RALGAPA1: variants seen among roughly 807,000 people sequenced by gnomAD.
The protein encoded by RALGAPA1 is ral GTPase-activating protein subunit alpha-1.
RALGAPA1 carries 52 observed loss-of-function variants against 269.6 expected under a neutral mutation model. The observed-to-expected ratio is 0.19, with a 90% confidence interval of 0.15 to 0.24. RALGAPA1 has a LOEUF of 0.24. Ranked by LOEUF, RALGAPA1 falls within the 10% of genes least tolerant of loss-of-function variation. The pLI, the probability that RALGAPA1 is intolerant of heterozygous loss-of-function variation, is 1.00. For synonymous variants in RALGAPA1, 817 were observed against 1,008.3 expected (o/e 0.81, Z 3.60); for missense variants, 1,917 against 3,013.9 (o/e 0.64, Z 8.52).
At chr14:35,742,295 C>T in intron 11 of RALGAPA1, 73 bp downstream of exon 11, 1 of 1,055,682 alleles carries the variant, frequency 9.5e-7, no homozygotes, top group East Asian at 2.6e-5. Context: ...TTTGTGTTAA[C>T]CCATTATTAT....
In RALGAPA1 at chr14:35,719,917, A is replaced by AT. The variant is rs373630930; in HGVS notation, c.2266+1770dup. ...AGGCACATGCCACCATGCCTGGCTA[A>AT]TTTTTTTTGTATTTTTACTACAGAC... is the stretch of plus-strand genomic sequence containing the variant. On this transcript the variant is annotated intron_variant, in intron 16 of 41. Coordinates refer to ENST00000680220, the MANE Select transcript of RALGAPA1 (RefSeq NM_001346249.2). Among the ~76,000 whole-genome samples, 794 of 151,776 alleles carry AT rather than the reference A, an allele frequency of 5.2e-3. 7 individuals are homozygous for AT. Among genetic ancestry groups the AT allele is most frequent in the African/African-American group, 0.018 (749 of 41,408 alleles).
At chr14:35,738,747 G>A (rs2071275057) in intron 11 of RALGAPA1, 97 bp from the exon 12 acceptor site, 1 of 881,140 alleles carries the variant, frequency 1.1e-6, no homozygotes, top group Non-Finnish European at 1.7e-6. Context: ...AGGTCCCACT[G>A]CTAAACAGGT....
At position 35,546,454 on chromosome 14, in the gene RALGAPA1, GTAA is replaced by G. The variant is rs10622401; in HGVS notation, c.*23+2051_*23+2053del. On this transcript the variant is annotated intron_variant, in intron 41 of 41. Transcript: ENST00000680220. ...GCACATGTACCCTAAAATTTAAAGT[GTAA>G]TAATAATAATAATAATAAATATTAT... is the stretch of plus-strand genomic sequence containing the variant. 3.0e-3 allele frequency among the ~76,000 whole-genome samples: 444 copies of G among 149,924 alleles called. 2 individuals are homozygous for G. Among genetic ancestry groups the G allele is most frequent in the African/African-American group, 9.9e-3 (406 of 41,032 alleles).
chr14:35,595,079 T>A lies in RALGAPA1; in HGVS notation c.7209+555A>T, dbSNP rs141656626. Among the ~76,000 whole-genome samples, 330 of 150,872 alleles carry A rather than the reference T, an allele frequency of 2.2e-3. 2 individuals are homozygous for A. Among genetic ancestry groups the A allele is most frequent in the Non-Finnish European group, 3.9e-3 (264 of 67,658 alleles). ...AATATTGCATGGTATCACTTATATG[T>A]GGAATCTAAAAAAAAAAAACAAAGG... On this transcript the variant is annotated intron_variant, in intron 37 of 41. Coordinates refer to ENST00000680220, the MANE Select transcript of RALGAPA1 (RefSeq NM_001346249.2).
At chr14:35,725,872 G>A (rs1278140565) in intron 13 of RALGAPA1, among the ~76,000 whole-genome samples, 1 of 152,074 alleles carries the variant, frequency 6.6e-6, no homozygotes, top group Non-Finnish European at 1.5e-5. Context: ...TCATTATGCA[G>A]TTTTTTAATC....
intron 35 of RALGAPA1, among the ~76,000 whole-genome samples, chr14:35,615,016 T>C (rs1566828135): frequency 6.6e-6 from 1 of 151,174 alleles, no homozygotes; most frequent in Non-Finnish European, 1.5e-5. Flanking sequence ...CTTTCACTAC[T>C]CCTTCTTATT....
At chr14:35,545,791 T>A (rs548683609) in intron 41 of RALGAPA1, among the ~76,000 whole-genome samples, 52 of 152,166 alleles carry the variant, frequency 3.4e-4, no homozygotes, top group African/African-American at 1.2e-3. Flanking sequence ...TAAAAAAAGA[T>A]AATATTGAAA....
At chr14:35,682,945 T>G (rs1389999329) in intron 21 of RALGAPA1, among the ~76,000 whole-genome samples, 1 of 152,188 alleles carries the variant, frequency 6.6e-6, no homozygotes, top group Non-Finnish European at 1.5e-5. Flanking sequence ...AGAATTCCCC[T>G]GGCTCAAATT....
Position 35,748,696 on chromosome 14 carries a change from T to C in RALGAPA1, c.1140A>G (p.Ser380=), listed in dbSNP as rs748930081. 9.9e-5 allele frequency: 160 copies of C among 1,613,292 alleles called. No individual in the cohort carries two copies. The highest frequency in any genetic ancestry group is 2.5e-6 in the Non-Finnish European group (3 of 1,179,620). Residue 380 remains serine (S), a synonymous_variant, in exon 10 of 42, where the codon TCA becomes TCG. Coordinates refer to ENST00000680220, the MANE Select transcript of RALGAPA1 (RefSeq NM_001346249.2). ...CTTCATCAATACTACAGAGACTAGA[T>C]GAGCTAGGTTCTCGCTCCGTGAGAG... The part of the protein sequence containing the change: ...TSTLTEREPS[S]SSLCSIDEEH...
At chr14:35,791,401 C>T (rs763670181) in intron 1 of RALGAPA1, among the ~76,000 whole-genome samples, 13 of 152,050 alleles carry the variant, frequency 8.5e-5, no homozygotes, top group Non-Finnish European at 1.6e-4. Flanking sequence ...TTCAGAAGTT[C>T]GAGACCAGCC....
At chr14:35,579,453 A>AC (rs2057803663) in intron 37 of RALGAPA1, among the ~76,000 whole-genome samples, 1 of 151,886 alleles carries the variant, frequency 6.6e-6, no homozygotes, top group Admixed American at 6.6e-5. Flanking sequence ...ACATGGTGAA[A>AC]CCTTGTCTCT....
intron 6 of RALGAPA1, among the ~76,000 whole-genome samples, chr14:35,760,021 A>G (rs758856548): frequency 2.6e-5 from 4 of 152,196 alleles, no homozygotes; most frequent in Non-Finnish European, 4.4e-5. Flanking sequence ...TACATTTTTA[A>G]ATAGCAGTAC....
chr14:35,545,985 G>C lies in RALGAPA1; in HGVS notation c.*23+2523C>G, dbSNP rs571555567. ...CACACATGCCTGACAAAGATAAAGGGATTTTTTCCTGTAATTTTTTAAAAA... is the reference window on the plus strand; with the variant it reads ...CACACATGCCTGACAAAGATAAAGGCATTTTTTCCTGTAATTTTTTAAAAA... On this transcript the variant is annotated intron_variant, in intron 41 of 41. Transcript: ENST00000680220. 2.1e-3 allele frequency among the ~76,000 whole-genome samples: 320 copies of C among 152,080 alleles called. 4 individuals are homozygous for C. The highest frequency in any genetic ancestry group is 7.4e-3 in the African/African-American group (307 of 41,506).
rs2053772921 is a variant in RALGAPA1, at chr14:35,539,556, C to T, written c.*158G>A. The T allele has an allele frequency of 6.2e-7, 1 of 1,612,272 alleles. No homozygotes were observed. Among genetic ancestry groups the T allele is most frequent in the African/African-American group, 1.3e-5 (1 of 74,846 alleles). ...TGCTTGTCTCCTTAGGATTTATTGG[C>T]TGAGCCAGAGGAACGACGCAGCTTC... On this transcript the variant is annotated 3_prime_UTR_variant, in exon 42 of 42. Transcript: ENST00000680220.
At chr14:35,706,052 G>A (rs1035918424) in intron 16 of RALGAPA1, among the ~76,000 whole-genome samples, 1 of 152,058 alleles carries the variant, frequency 6.6e-6, no homozygotes, top group Non-Finnish European at 1.5e-5. Flanking sequence ...CTTTTATCAG[G>A]CATGTGTTTT....
chr14:35,803,477 A>G (rs1032959442), intron 1 of RALGAPA1, among the ~76,000 whole-genome samples: 7 of 152,138 alleles, frequency 4.6e-5, no homozygotes, highest in Admixed American at 4.6e-4. Context: ...ATTGATATAT[A>G]GACAATAAAA....
chr14:35,778,433 C>T (rs563405295), intron 1 of RALGAPA1, among the ~76,000 whole-genome samples: 22 of 152,226 alleles, frequency 1.4e-4, no homozygotes, highest in Admixed American at 1.2e-3. Context: ...GGGATATATG[C>T]CTTTCCTCTC....
In RALGAPA1 at chr14:35,678,112, T is replaced by C. The variant is rs768670744; in HGVS notation, c.4472-10A>G. The C allele has an allele frequency of 1.3e-6, 2 of 1,597,038 alleles. No individual in the cohort carries two copies. The highest frequency in any genetic ancestry group is 1.7e-6 in the Non-Finnish European group (2 of 1,175,722). On this transcript the variant is annotated splice_polypyrimidine_tract_variant and intron_variant, in intron 21 of 41. Transcript: ENST00000680220. ...GAAGCACTTTCTGAACCTGTAAATA[T>C]AATTTCATAAAATTACCATAAAGAG...
chr14:35,581,675 A>G (rs1030773203), intron 37 of RALGAPA1, among the ~76,000 whole-genome samples: 4 of 152,186 alleles, frequency 2.6e-5, no homozygotes, highest in African/African-American at 7.2e-5. Context: ...AAGCACAACG[A>G]AATATCATTT....
Sources: gnomAD v4.1 joint callset for allele counts (sites outside exome capture counted in the v4.1 genomes callset) on GRCh38, gnomAD v4.1.1 for gene constraint, MANE v1.5 for transcripts, NCBI Gene and HGNC (gene_info 2026-07-23, HGNC 2026-07-21) for gene names.